The following MACROD2 variants were observed in gnomAD, a reference collection of about 807,000 sequenced individuals.
MACROD2 encodes the protein ADP-ribose glycohydrolase MACROD2.
A neutral mutation model predicts 70.4 loss-of-function variants in MACROD2; 36 were observed. That is an observed-to-expected ratio of 0.51 (90% CI 0.39 to 0.68). MACROD2 has a LOEUF of 0.68. Among genes scored for constraint, MACROD2 ranks in the 30% least tolerant of loss-of-function variants. The pLI is 0.00. For synonymous variants in MACROD2, 172 were observed against 178.8 expected (o/e 0.96, Z 0.30); for missense variants, 496 against 538.4 (o/e 0.92, Z 0.78).
chr20:14,886,788 C>A (rs983349693), intron 5 of MACROD2, among the ~76,000 whole-genome samples: 57 of 152,014 alleles, frequency 3.7e-4, no homozygotes, highest in African/African-American at 1.3e-3. Context: ...TGTAGTAAAC[C>A]CAAAATACAA....
intron 8 of MACROD2, among the ~76,000 whole-genome samples, chr20:15,550,738 G>A (rs556315240): frequency 2.0e-5 from 3 of 152,030 alleles, no homozygotes; most frequent in East Asian, 1.9e-4. Context: ...GTTCCCTGCC[G>A]GGGTAGCACA....
intron 7 of MACROD2, among the ~76,000 whole-genome samples, chr20:15,431,861 T>C (rs1048117007): frequency 6.6e-6 from 1 of 152,044 alleles, no homozygotes. Flanking sequence ...TGTTTTCAAA[T>C]TTTAAAAAAG....
chr20:14,448,181 AG>A (rs1189157750), intron 3 of MACROD2, among the ~76,000 whole-genome samples: 1 of 151,994 alleles, frequency 6.6e-6, no homozygotes, highest in African/African-American at 2.4e-5. Flanking sequence ...AGTCCAAAGT[AG>A]GGGAAGAGGG....
At chr20:14,796,585 G>A (rs1408321838) in intron 5 of MACROD2, among the ~76,000 whole-genome samples, 5 of 152,092 alleles carry the variant, frequency 3.3e-5, no homozygotes, top group Admixed American at 1.3e-4. Context: ...AGTTATTTTC[G>A]TTTATAAGAG....
intron 2 of MACROD2, among the ~76,000 whole-genome samples, chr20:14,080,685 C>CG (rs150139105): frequency 0.49 from 74,000 of 150,408 alleles, 21,348 homozygotes; most frequent in Non-Finnish European, 0.64. Flanking sequence ...TAGTCCTGTT[C>CG]ATTTTTTTTT....
chr20:15,234,354 C>T (rs2076995244), intron 6 of MACROD2, among the ~76,000 whole-genome samples: 2 of 151,256 alleles, frequency 1.3e-5, no homozygotes, highest in South Asian at 4.2e-4. Flanking sequence ...TTCTTGACAA[C>T]CTTGAGATTG....
At chr20:14,343,439 G>A (rs1044045002) in intron 3 of MACROD2, among the ~76,000 whole-genome samples, 3 of 152,122 alleles carry the variant, frequency 2.0e-5, no homozygotes, top group African/African-American at 7.2e-5. Flanking sequence ...AAATAAAGTG[G>A]TGGATGTAAT....
chr20:14,355,900 T>G (rs1257482144), intron 3 of MACROD2, among the ~76,000 whole-genome samples: 1 of 152,144 alleles, frequency 6.6e-6, no homozygotes, highest in Non-Finnish European at 1.5e-5. Context: ...TCTTATTTCT[T>G]TGGGGAGGGA....
chr20:14,561,575 T>TG (rs1336676651), intron 4 of MACROD2, among the ~76,000 whole-genome samples: 1 of 151,780 alleles, frequency 6.6e-6, no homozygotes, highest in Non-Finnish European at 1.5e-5. Context: ...ATTGTTCATT[T>TG]GGGGGGTAAA....
intron 5 of MACROD2, among the ~76,000 whole-genome samples, chr20:15,004,755 G>A (rs983239321): frequency 2.6e-5 from 4 of 152,130 alleles, no homozygotes; most frequent in African/African-American, 9.7e-5. Flanking sequence ...TAGAAAAGCT[G>A]AGTAAATTCA....
At chr20:15,850,608 C>G (rs951112218) in intron 8 of MACROD2, among the ~76,000 whole-genome samples, 3 of 152,204 alleles carry the variant, frequency 2.0e-5, no homozygotes, top group Non-Finnish European at 2.9e-5. Flanking sequence ...CTAGAAGGAT[C>G]TACCTAGCAT....
At chr20:15,303,757 T>G (rs933687377) in intron 6 of MACROD2, among the ~76,000 whole-genome samples, 2 of 152,186 alleles carry the variant, frequency 1.3e-5, no homozygotes, top group Non-Finnish European at 2.9e-5. Flanking sequence ...TGCACCGTAT[T>G]TTTTTCATGC....
intron 8 of MACROD2, among the ~76,000 whole-genome samples, chr20:15,547,136 G>C (rs2048035868): frequency 6.6e-6 from 1 of 152,178 alleles, no homozygotes. Context: ...AAGCCCATTA[G>C]TGTGGCCTTC....
intron 3 of MACROD2, among the ~76,000 whole-genome samples, chr20:14,228,399 G>A (rs1397401390): frequency 6.7e-6 from 1 of 150,138 alleles, no homozygotes; most frequent in Non-Finnish European, 1.5e-5. Flanking sequence ...GTGCAGTGGC[G>A]TGATCTCGGC....
At chr20:15,046,935 A>G (rs1454449080) in intron 5 of MACROD2, among the ~76,000 whole-genome samples, 8 of 152,188 alleles carry the variant, frequency 5.3e-5, no homozygotes, top group East Asian at 3.8e-4. Context: ...CTATACTTCA[A>G]TTACTTGCAT....
At chr20:15,674,239 G>T (rs910570331) in intron 8 of MACROD2, among the ~76,000 whole-genome samples, 1 of 152,122 alleles carries the variant, frequency 6.6e-6, no homozygotes, top group Non-Finnish European at 1.5e-5. Context: ...AAGGGAGAAC[G>T]GAAGGGGAAG....
intron 3 of MACROD2, among the ~76,000 whole-genome samples, chr20:14,169,885 A>T (rs561698947): frequency 5.3e-5 from 8 of 151,136 alleles, no homozygotes; most frequent in Non-Finnish European, 1.0e-4. Flanking sequence ...GTTCTTAAGA[A>T]CCTCTGTTAA....
intron 13 of MACROD2, among the ~76,000 whole-genome samples, chr20:15,973,221 G>A (rs552869334): frequency 4.2e-4 from 64 of 151,964 alleles, no homozygotes; most frequent in Admixed American, 1.9e-3. Context: ...TATATTTGTC[G>A]CAATTTTATA....
At chr20:14,715,367 T>C (rs6042879) in intron 5 of MACROD2, among the ~76,000 whole-genome samples, 109,498 of 152,198 alleles carry the variant, frequency 0.72, 39,792 homozygotes, top group Non-Finnish European at 0.75. Context: ...AGCCAAACCA[T>C]ATCAGATGTT....
Sources: allele counts gnomAD v4.1 joint callset (sites outside exome capture counted in the v4.1 genomes callset), GRCh38; gene constraint gnomAD v4.1.1; transcripts MANE v1.5; gene names NCBI Gene and HGNC (gene_info 2026-07-23, HGNC 2026-07-21).